Variants in EIF2B1 observed in about 807,000 individuals in gnomAD.
The protein encoded by EIF2B1 is eukaryotic translation initiation factor 2B subunit alpha, also known as translation initiation factor eIF2B subunit alpha.
In EIF2B1, 30 loss-of-function variants were observed where a neutral mutation model predicts 36.8. The observed-to-expected ratio is 0.81, with a 90% confidence interval of 0.61 to 1.10. The LOEUF (loss-of-function observed/expected upper bound fraction) is 1.10, where lower values mean the gene tolerates loss of function less well. Ranked by LOEUF, EIF2B1 falls within the 50% of genes least tolerant of loss-of-function variation. The pLI, the probability that EIF2B1 is intolerant of heterozygous loss-of-function variation, is 0.00. For missense variants in EIF2B1, 271 were observed against 374.8 expected (o/e 0.72, Z 2.29); for synonymous variants, 139 against 142.2 (o/e 0.98, Z 0.16).
At position 123,632,480 on chromosome 12, in the gene EIF2B1, C is replaced by A; in HGVS notation, c.14-34G>T. The A allele has an allele frequency of 2.8e-6, 4 of 1,421,282 alleles. No individual in the cohort carries two copies. In the East Asian group the frequency reaches 9.1e-5, roughly 32 times the overall value. 88.0% of individuals were successfully genotyped at this position (1,421,282 alleles called of 1,614,324 possible). ...AGGGAAAAAAGTGATTCACCTAATT[C>A]ATTTAGCAGCCTATAAGGCAAGAGA... On this transcript the variant is annotated intron_variant, in intron 1 of 8. Coordinates refer to ENST00000424014, the MANE Select transcript of EIF2B1 (RefSeq NM_001414.4).
rs2135766538 is a variant in EIF2B1 at position 123,630,603 on chromosome 12, T to C, written c.116-70A>G. ...AGCCCCGACCTGTATCTTCAATTCA[T>C]TCATTCATTCAGTGAATATTTACTA... On this transcript the variant is annotated intron_variant, in intron 2 of 8. Transcript: ENST00000424014. This position sits in a 1 kb window ranked among gnomAD's most constrained non-coding sequence, Gnocchi z 4.6. 1 of 1,588,096 alleles carries C rather than the reference T, an allele frequency of 6.3e-7. No individual in the cohort carries two copies. The highest frequency in any genetic ancestry group is 2.2e-5 in the East Asian group (1 of 44,804).
rs3704 is a variant in EIF2B1, at chr12:123,626,387, G to T, written c.551+38C>A. 0.053 allele frequency: 86,196 copies of T among 1,612,310 alleles called. 3,089 individuals carry two copies. The highest frequency in any genetic ancestry group is 0.14 in the African/African-American group (10,164 of 74,962). On this transcript the variant is annotated intron_variant, in intron 6 of 8. Transcript: ENST00000424014. The stretch of plus-strand genomic sequence containing the variant: ...AACTTGCTGTAAGCCAGCATGGGGT[G>T]GGGGAGGTGATTATGGCTGGGGAAG...
chr12:123,633,604 T>A lies in EIF2B1; in HGVS notation c.-47A>T. ...CCCAGGGGACCCGAGCCGCCCGCGC[T>A]GTCTCGAACGGGTCCGCCGGCCGCG... On this transcript the variant is annotated 5_prime_UTR_variant, in exon 1 of 9. Coordinates refer to ENST00000424014, the MANE Select transcript of EIF2B1 (RefSeq NM_001414.4). 1 of 1,603,804 alleles carries A rather than the reference T, an allele frequency of 6.2e-7. No individual in the cohort carries two copies. Among genetic ancestry groups the A allele is most frequent in the Middle Eastern group, 1.8e-4 (1 of 5,674 alleles).
At chr12:123,627,274 A>G in intron 4 of EIF2B1, 118 bp from the exon 5 acceptor site, 1 of 831,586 alleles carries the variant, frequency 1.2e-6, no homozygotes, top group Non-Finnish European at 2.0e-6. Flanking sequence ...CTCACAAATC[A>G]ACCACAACCA....
At position 123,630,103 on chromosome 12, in the gene EIF2B1, T is replaced by C. The variant is rs1593782255; in HGVS notation, c.369+66A>G. ...AGCAAGTGAGTGGCAGAGCCCGGAT[T>C]TTACCCCAGGCAGTCGGACTCGAAA... On this transcript the variant is annotated intron_variant, in intron 4 of 8. Coordinates refer to ENST00000424014, the MANE Select transcript of EIF2B1 (RefSeq NM_001414.4). The surrounding 1 kb of genome is among the most constrained non-coding windows in gnomAD (Gnocchi z 4.6). The C allele has an allele frequency of 1.5e-5, 22 of 1,438,080 alleles. No individual in the cohort carries two copies. The highest frequency in any genetic ancestry group is 1.9e-5 in the Non-Finnish European group (19 of 1,023,806). 89.1% of individuals were successfully genotyped at this position (1,438,080 alleles called of 1,614,324 possible).
At chr12:123,631,414 T>C (rs1357276907) in intron 2 of EIF2B1, among the ~76,000 whole-genome samples, 1 of 152,214 alleles carries the variant, frequency 6.6e-6, no homozygotes, top group Non-Finnish European at 1.5e-5. Flanking sequence ...GGCTCACGCC[T>C]GTAATCTCAG....
intron 4 of EIF2B1, among the ~76,000 whole-genome samples, chr12:123,628,947 C>A (rs1002274532): frequency 1.3e-5 from 2 of 152,116 alleles, no homozygotes; most frequent in Admixed American, 1.3e-4. Flanking sequence ...CTAGAGCAAA[C>A]GAAACCCGCA....
intron 4 of EIF2B1, 44 bp from the exon 5 acceptor site, chr12:123,627,200 G>C: frequency 2.0e-6 from 3 of 1,463,928 alleles, no homozygotes; most frequent in Non-Finnish European, 2.9e-6. Flanking sequence ...GCTCCTTGCT[G>C]CTCACTCACA....
rs752626578 is a variant in EIF2B1 at position 123,633,610 on chromosome 12, G to A, written c.-53C>T. The A allele has an allele frequency of 4.4e-6, 7 of 1,601,330 alleles. No individual in the cohort carries two copies. The African/African-American group carries it at 8.0e-5, about 18-fold the overall frequency. ...GGACCCGAGCCGCCCGCGCTGTCTC[G>A]AACGGGTCCGCCGGCCGCGCCGCCT... On this transcript the variant is annotated 5_prime_UTR_variant, in exon 1 of 9. Coordinates refer to ENST00000424014, the MANE Select transcript of EIF2B1 (RefSeq NM_001414.4).
At chr12:123,633,463 A>G in intron 1 of EIF2B1, 82 bp downstream of exon 1, 1 of 1,585,748 alleles carries the variant, frequency 6.3e-7, no homozygotes, top group Non-Finnish European at 8.7e-7. Flanking sequence ...TCTCTTCGGG[A>G]GCTCAGCCTG....
chr12:123,622,162 G>A (rs938185391), intron 8 of EIF2B1, among the ~76,000 whole-genome samples: 15 of 152,160 alleles, frequency 9.9e-5, no homozygotes, highest in African/African-American at 2.2e-4. Flanking sequence ...TTCTCATGCC[G>A]GATTAACTTC....
chr12:123,633,668 C>T lies in EIF2B1; in HGVS notation c.-111G>A, dbSNP rs750114147. The T allele has an allele frequency of 2.0e-6, 3 of 1,533,964 alleles. No homozygotes were observed. The highest frequency in any genetic ancestry group is 2.2e-5 in the East Asian group (1 of 44,484). On this transcript the variant is annotated 5_prime_UTR_variant, in exon 1 of 9. Transcript: ENST00000424014. The stretch of plus-strand genomic sequence containing the variant: ...AGTCTGACAGCGCGCTGCACACCTC[C>T]GCACCCCACTTCCGGCGCACTTCCG...
chr12:123,625,468 G>T (rs114731186), intron 6 of EIF2B1, among the ~76,000 whole-genome samples: 3 of 152,012 alleles, frequency 2.0e-5, no homozygotes, highest in African/African-American at 7.2e-5. Context: ...GAACTCTAGC[G>T]ATCCACCTGC....
At chr12:123,623,028 G>A (rs1445623080) in intron 7 of EIF2B1, among the ~76,000 whole-genome samples, 4 of 151,980 alleles carry the variant, frequency 2.6e-5, no homozygotes, top group African/African-American at 9.7e-5. Flanking sequence ...ACATATATTA[G>A]ATATATCTAA....
Position 123,621,872 on chromosome 12 carries a change from CTT to C in EIF2B1, c.800_801del (p.Lys267ArgfsTer32), listed in dbSNP as rs757609518. ...LKVAQTGQDL[K>X]EEHPWVDYTA... ...GTGTAGTCGACCCACGGATGCTCCTCTTTGAGGTCTTGTCCAGTCTGCGCGAC... is the reference window on the plus strand; with the variant it reads ...GTGTAGTCGACCCACGGATGCTCCTCTGAGGTCTTGTCCAGTCTGCGCGAC... On this transcript the variant is annotated frameshift_variant, in exon 9 of 9. Coordinates refer to ENST00000424014, the MANE Select transcript of EIF2B1 (RefSeq NM_001414.4). LOFTEE classifies it high-confidence loss of function. The C allele has an allele frequency of 1.2e-6, 2 of 1,613,966 alleles. No homozygotes were observed. The highest frequency in any genetic ancestry group is 2.2e-5 in the East Asian group (1 of 44,892).
intron 7 of EIF2B1, among the ~76,000 whole-genome samples, chr12:123,624,503 T>C (rs1280084145): frequency 6.6e-6 from 1 of 152,036 alleles, no homozygotes; most frequent in Non-Finnish European, 1.5e-5. Flanking sequence ...CAAGTGATCC[T>C]CCCACCCTGG....
intron 6 of EIF2B1, 113 bp from the exon 7 acceptor site, chr12:123,624,975 C>T: frequency 2.0e-6 from 2 of 1,010,860 alleles, no homozygotes; most frequent in Non-Finnish European, 3.1e-6. Context: ...CCCATAACTA[C>T]CTGTTTTTTT....
chr12:123,633,414 G>A, intron 1 of EIF2B1, 131 bp downstream of exon 1: 1 of 1,411,020 alleles, frequency 7.1e-7, no homozygotes, highest in Non-Finnish European at 1.0e-6. Flanking sequence ...TGTGACTCTG[G>A]AAACACAACC....
At chr12:123,622,606 A>G (rs1401792666) in intron 8 of EIF2B1, 30 bp downstream of exon 8, 6 of 1,613,468 alleles carry the variant, frequency 3.7e-6, no homozygotes, top group Non-Finnish European at 5.1e-6. Flanking sequence ...TTTAGACTTT[A>G]GTACCCCTTC....
Sources: allele counts gnomAD v4.1 joint callset (sites outside exome capture counted in the v4.1 genomes callset), GRCh38; gene constraint gnomAD v4.1.1; non-coding constraint Gnocchi (gnomAD v3.1); transcripts MANE v1.5; gene names NCBI Gene and HGNC (gene_info 2026-07-23, HGNC 2026-07-21).